PAPOLG: variants seen among roughly 807,000 people sequenced by gnomAD.
The protein encoded by PAPOLG is poly(A) polymerase gamma, also known as PAP-gamma.
PAPOLG carries 40 observed loss-of-function variants against 99.0 expected under a neutral mutation model. That is an observed-to-expected ratio of 0.40 (90% CI 0.31 to 0.53). The LOEUF (loss-of-function observed/expected upper bound fraction) is 0.53. PAPOLG is among the 20% of genes least tolerant of loss of function. PAPOLG has a pLI of 0.41. For missense variants in PAPOLG, 675 were observed against 884.1 expected (o/e 0.76, Z 3.00); for synonymous variants, 310 against 299.3 (o/e 1.04, Z -0.37).
intron 3 of PAPOLG, 35 bp downstream of exon 3, chr2:60,761,842 A>G (rs747298471): frequency 2.8e-6 from 4 of 1,452,018 alleles, no homozygotes; most frequent in East Asian, 4.5e-5. Context: ...TCTTGTTTTT[A>G]TTATATCTTG....
At chr2:60,770,568 G>T in intron 6 of PAPOLG, 57 bp downstream of exon 6, 11 of 1,142,866 alleles carry the variant, frequency 9.6e-6, no homozygotes, top group South Asian at 4.9e-5. Context: ...TTGTAAGTTT[G>T]TTTTCTGAAA....
At position 60,793,955 on chromosome 2, in the gene PAPOLG, T is replaced by G. The variant is rs1452391160; in HGVS notation, c.1769-16T>G. The stretch of plus-strand genomic sequence containing the variant: ...CATAAATGTTTAATTATTAAAATCC[T>G]TTTTTTCCTTTTCAGAAGTTGACTC... On this transcript the variant is annotated splice_polypyrimidine_tract_variant and intron_variant, in intron 18 of 21. Coordinates refer to ENST00000238714, the MANE Select transcript of PAPOLG (RefSeq NM_022894.4). 1 of 1,591,628 alleles carries G rather than the reference T, an allele frequency of 6.3e-7. No individual in the cohort carries two copies. Among genetic ancestry groups the G allele is most frequent in the African/African-American group, 1.4e-5 (1 of 73,912 alleles).
intron 15 of PAPOLG, 125 bp downstream of exon 15, chr2:60,787,745 C>T (rs1004303827): frequency 6.4e-6 from 8 of 1,256,434 alleles, no homozygotes; most frequent in Non-Finnish European, 7.7e-6. Context: ...ATGGCATATC[C>T]GTATTGCTGT....
Position 60,794,001 on chromosome 2 carries a change from C to T in PAPOLG, c.1799C>T (p.Pro600Leu). 1 of 1,611,786 alleles carries T rather than the reference C, an allele frequency of 6.2e-7. No homozygotes were observed. Among genetic ancestry groups the T allele is most frequent in the Non-Finnish European group, 8.5e-7 (1 of 1,178,000 alleles). ...GACTCTACAGTAAAAACTGTATCAC[C>T]CCCCACTGTGTGTACCATTCCTACC... is the stretch of plus-strand genomic sequence containing the variant. Reference protein sequence around the residue: ...KVDSTVKTVSPPTVCTIPTVV... With the variant: ...KVDSTVKTVSLPTVCTIPTVV... Residue 600 changes from proline (P) to leucine (L), a missense_variant, in exon 19 of 22, where the codon CCC becomes CTC. This residue lies in a region of PAPOLG where 413 missense variants were observed against 460.5 expected (regional missense o/e 0.90). Coordinates refer to ENST00000238714, the MANE Select transcript of PAPOLG (RefSeq NM_022894.4).
At chr2:60,771,768 C>T (rs1186366145) in intron 7 of PAPOLG, 138 bp downstream of exon 7, 10 of 902,594 alleles carry the variant, frequency 1.1e-5, no homozygotes, top group Middle Eastern at 3.5e-4. Flanking sequence ...GATAATGTGA[C>T]CACATTTAAG....
chr2:60,765,941 C>CT, intron 3 of PAPOLG, among the ~76,000 whole-genome samples: 1 of 151,996 alleles, frequency 6.6e-6, no homozygotes, highest in East Asian at 1.9e-4. Context: ...TAACAAGACT[C>CT]TGTCTCTTTA....
rs1395403173 is a variant in PAPOLG at position 60,793,613 on chromosome 2, A to G, written c.1680-14A>G. The G allele has an allele frequency of 6.2e-7, 1 of 1,612,032 alleles. No individual in the cohort carries two copies. Among genetic ancestry groups the G allele is most frequent in the African/African-American group, 1.3e-5 (1 of 74,806 alleles). On this transcript the variant is annotated splice_polypyrimidine_tract_variant and intron_variant, in intron 17 of 21. Coordinates refer to ENST00000238714, the MANE Select transcript of PAPOLG (RefSeq NM_022894.4). ...TTAAATCATTTATTGATGATAATTT[A>G]ACACTTTCATTAGGAATAGTGCTGA... is the stretch of plus-strand genomic sequence containing the variant.
At chr2:60,774,987 CTG>C (rs756158725) in intron 7 of PAPOLG, 45 bp from the exon 8 acceptor site, 24 of 1,608,332 alleles carry the variant, frequency 1.5e-5, no homozygotes, top group Non-Finnish European at 2.0e-5. Context: ...TTTGAATTAA[CTG>C]AGAATTTGCT....
Position 60,756,292 on chromosome 2 carries a change from T to C in PAPOLG, c.-187T>C, listed in dbSNP as rs1204952274. The C allele has an allele frequency of 1.1e-5, 8 of 711,556 alleles. No individual in the cohort carries two copies. The allele number at this position is 711,556 out of a possible 1,614,324, so 44.1% of individuals were successfully genotyped here. The stretch of plus-strand genomic sequence containing the variant: ...TATTGGCGTCGGCCGCGCTGTATTG[T>C]CATAAATAGAGCCGGTTTTGTGGTG... On this transcript the variant is annotated 5_prime_UTR_variant, in exon 1 of 22. Transcript: ENST00000238714.
chr2:60,759,933 G>A (rs1178503340), intron 1 of PAPOLG, among the ~76,000 whole-genome samples: 1 of 152,120 alleles, frequency 6.6e-6, no homozygotes, highest in African/African-American at 2.4e-5. Context: ...CATGAAAGCT[G>A]CAGGCAGTAT....
intron 12 of PAPOLG, 125 bp downstream of exon 12, chr2:60,782,895 AAAAATCCT>A (rs1671237178): frequency 8.2e-7 from 1 of 1,212,846 alleles, no homozygotes. Context: ...ATAGATTAAC[AAAAATCCT>A]AAGAGATAAG....
chr2:60,794,386 G>T (rs756903501), intron 19 of PAPOLG, 195 bp downstream of exon 19: 12 of 647,842 alleles, frequency 1.9e-5, no homozygotes, highest in Admixed American at 9.8e-5. Flanking sequence ...TGAATGATTG[G>T]TCTGAGTTTC....
In PAPOLG at chr2:60,787,029, C is replaced by T. The variant is rs1377930126; in HGVS notation, c.1249C>T (p.Pro417Ser). 6.2e-7 allele frequency: 1 copy of T among 1,611,760 alleles called. No individual in the cohort carries two copies. Among genetic ancestry groups the T allele is most frequent in the Admixed American group, 1.7e-5 (1 of 59,904 alleles). The change falls in exon 14 of 22, where the codon CCC becomes TCC. Residue 417 changes from proline to serine, a missense_variant. Transcript: ENST00000238714. ...ATTTATTACTCTTGCCCATGTGAAT[C>T]CCCAGTCATTCCCAGGGAATAAGGA... ...NEFITLAHVN[P>S]QSFPGNKEHH...
chr2:60,777,847 G>C (rs1241598946), intron 8 of PAPOLG, among the ~76,000 whole-genome samples: 5 of 152,134 alleles, frequency 3.3e-5, no homozygotes, highest in Admixed American at 3.3e-4. Context: ...CATTTACCAA[G>C]TTCACCGTCT....
rs553513112 is a variant in PAPOLG at position 60,772,095 on chromosome 2, A to G, written c.604+465A>G. On this transcript the variant is annotated intron_variant, in intron 7 of 21. Coordinates refer to ENST00000238714, the MANE Select transcript of PAPOLG (RefSeq NM_022894.4). ...ATATTAGGCCTGATAGAAGACAGCTAGATTCTCATTTGTGTCTACAATTGA... is the reference window on the plus strand; with the variant it reads ...ATATTAGGCCTGATAGAAGACAGCTGGATTCTCATTTGTGTCTACAATTGA... 3.9e-5 allele frequency among the ~76,000 whole-genome samples: 6 copies of G among 152,046 alleles called. No homozygotes were observed. In the East Asian group the frequency reaches 9.6e-4, roughly 24 times the overall value.
At chr2:60,781,352 G>A (rs531312223) in intron 10 of PAPOLG, among the ~76,000 whole-genome samples, 4 of 141,476 alleles carry the variant, frequency 2.8e-5, no homozygotes, top group South Asian at 2.1e-4. Flanking sequence ...TTGAGACTTC[G>A]TCTCAAAAAA....
At position 60,761,703 on chromosome 2, in the gene PAPOLG, T is replaced by G. The variant is rs150267851; in HGVS notation, c.180-38T>G. On this transcript the variant is annotated intron_variant, in intron 2 of 21. Transcript: ENST00000238714. The stretch of plus-strand genomic sequence containing the variant: ...TTTTTAAAAATACTGTTTGTTCATT[T>G]GTTTGTTTGTTTTAATCTGAAGCAT... 34 of 1,538,500 alleles carry G rather than the reference T, an allele frequency of 2.2e-5. No individual in the cohort carries two copies. The African/African-American group carries it at 3.9e-4, about 17-fold the overall frequency.
At chr2:60,778,096 G>A (rs77842282) in intron 8 of PAPOLG, among the ~76,000 whole-genome samples, 2,686 of 152,284 alleles carry the variant, frequency 0.018, 77 homozygotes, top group African/African-American at 0.06. Context: ...CTCAGTATCT[G>A]TGAAGTGTAA....
At chr2:60,764,839 C>T (rs1057155766) in intron 3 of PAPOLG, among the ~76,000 whole-genome samples, 4 of 152,152 alleles carry the variant, frequency 2.6e-5, no homozygotes, top group African/African-American at 9.7e-5. Flanking sequence ...CTAAAGACTA[C>T]AGTCGTTGAG....
Sources: allele counts gnomAD v4.1 joint callset (sites outside exome capture counted in the v4.1 genomes callset), GRCh38; gene constraint gnomAD v4.1.1; regional missense constraint gnomAD v4.1.1; transcripts MANE v1.5; gene names NCBI Gene and HGNC (gene_info 2026-07-23, HGNC 2026-07-21).